GPRASP3: variants seen among roughly 807,000 people sequenced by gnomAD.
GPRASP3 encodes the protein G protein-coupled receptor associated sorting protein 3.
the GPRASP3 span, among the ~76,000 whole-genome samples, chrX:102,731,554 C>T: frequency 9.1e-6 from 1 of 109,747 alleles, no homozygotes; most frequent in Admixed American, 9.7e-5. Context: ...CACTTGAACC[C>T]GGGAAGCGGA....
chrX:102,723,312 G>A, the GPRASP3 span, among the ~76,000 whole-genome samples: 173 of 111,819 alleles, frequency 1.5e-3, no homozygotes, highest in African/African-American at 5.1e-3. Flanking sequence ...TTGAAACTAT[G>A]TTGTTCTACT....
the GPRASP3 span, among the ~76,000 whole-genome samples, chrX:102,740,465 T>C: frequency 8.9e-6 from 1 of 112,119 alleles, no homozygotes; most frequent in Admixed American, 9.4e-5. Context: ...CCCAAGTCCC[T>C]TAAAATACCT....
At chrX:102,743,333 T>A in the GPRASP3 span, among the ~76,000 whole-genome samples, 2 of 111,753 alleles carry the variant, frequency 1.8e-5, no homozygotes, top group African/African-American at 3.3e-5. Context: ...TATATACTTA[T>A]AATGCACACT....
chrX:102,749,457 G>A, the GPRASP3 span: 25 of 1,210,140 alleles, frequency 2.1e-5, no homozygotes, highest in East Asian at 2.1e-4. Context: ...TGGAACCTGC[G>A]GCTGGGGCCG....
the GPRASP3 span, among the ~76,000 whole-genome samples, chrX:102,731,306 G>A: frequency 8.9e-6 from 1 of 112,219 alleles, no homozygotes; most frequent in Non-Finnish European, 1.9e-5. Flanking sequence ...GCAAATTTCA[G>A]AGCAGGAGTG....
the GPRASP3 span, among the ~76,000 whole-genome samples, chrX:102,729,046 G>C: frequency 8.9e-6 from 1 of 112,249 alleles, no homozygotes; most frequent in Admixed American, 9.4e-5. Flanking sequence ...TGGAGACTGA[G>C]TGTGGAATAA....
At chrX:102,750,812 G>A in the GPRASP3 span, 3 of 343,288 alleles carry the variant, frequency 8.7e-6, no homozygotes, top group Non-Finnish European at 1.5e-5. Context: ...GGCTGAAAAT[G>A]TTTGATTTTT....
At chrX:102,722,474 A>T in the GPRASP3 span, among the ~76,000 whole-genome samples, 1 of 112,142 alleles carries the variant, frequency 8.9e-6, no homozygotes, top group South Asian at 3.8e-4. Flanking sequence ...TAGAGGTTTC[A>T]TTACATAGGC....
the GPRASP3 span, among the ~76,000 whole-genome samples, chrX:102,742,703 A>T: frequency 9.0e-5 from 10 of 111,650 alleles, no homozygotes; most frequent in African/African-American, 2.6e-4. Context: ...GGTACCAAGC[A>T]CCCATAGGAG....
chrX:102,742,321 C>T, the GPRASP3 span, among the ~76,000 whole-genome samples: 33 of 100,452 alleles, frequency 3.3e-4, no homozygotes, highest in African/African-American at 1.1e-3. Context: ...CTTTCCCAGT[C>T]GGGGGCGGGG....
the GPRASP3 span, among the ~76,000 whole-genome samples, chrX:102,721,342 C>T: frequency 8.9e-6 from 1 of 111,741 alleles, no homozygotes; most frequent in Non-Finnish European, 1.9e-5. Flanking sequence ...ACTCATTCTA[C>T]TCTCTGTCTT....
the GPRASP3 span, among the ~76,000 whole-genome samples, chrX:102,746,629 C>T: frequency 2.7e-5 from 3 of 112,408 alleles, no homozygotes; most frequent in African/African-American, 9.7e-5. Context: ...GCCCTGATTC[C>T]GGAAAGGGGC....
At chrX:102,744,918 C>T in the GPRASP3 span, among the ~76,000 whole-genome samples, 1 of 111,566 alleles carries the variant, frequency 9.0e-6, no homozygotes. Flanking sequence ...GGAACAATAC[C>T]AAAAGGGTAC....
At chrX:102,733,693 A>G in the GPRASP3 span, among the ~76,000 whole-genome samples, 1 of 109,320 alleles carries the variant, frequency 9.1e-6, no homozygotes, top group African/African-American at 3.3e-5. Flanking sequence ...AGTTTTGTCC[A>G]TTCAGTTAAC....
the GPRASP3 span, chrX:102,749,619 A>G: frequency 1.7e-6 from 2 of 1,211,606 alleles, no homozygotes; most frequent in Non-Finnish European, 2.2e-6. Flanking sequence ...TTAATGAAAA[A>G]AATAGGCCCA....
chrX:102,740,384 G>A, the GPRASP3 span, among the ~76,000 whole-genome samples: 2 of 112,118 alleles, frequency 1.8e-5, no homozygotes, highest in South Asian at 3.8e-4. Context: ...GAATTCTTCC[G>A]AATCTTAACC....
At chrX:102,752,506 G>A in the GPRASP3 span, 3 of 122,889 alleles carry the variant, frequency 2.4e-5, no homozygotes, top group Admixed American at 1.9e-4. Context: ...AACCTTTATT[G>A]CATATTCTCA....
At chrX:102,725,493 C>T in the GPRASP3 span, among the ~76,000 whole-genome samples, 16 of 110,119 alleles carry the variant, frequency 1.5e-4, no homozygotes, top group African/African-American at 4.9e-4. Context: ...TTTGTACTTA[C>T]ACAATATTTT....
At chrX:102,734,625 A>T in the GPRASP3 span, among the ~76,000 whole-genome samples, 1 of 111,300 alleles carries the variant, frequency 9.0e-6, no homozygotes, top group Non-Finnish European at 1.9e-5. Context: ...TCAAAAAAAT[A>T]ATAATAATAA....
Sources: allele counts gnomAD v4.1 joint callset (sites outside exome capture counted in the v4.1 genomes callset), GRCh38; gene constraint gnomAD v4.1.1; transcripts MANE v1.5; gene names NCBI Gene and HGNC (gene_info 2026-07-23, HGNC 2026-07-21).